Variants in RPS6KC1 observed in about 807,000 individuals in gnomAD.
The protein encoded by RPS6KC1 is ribosomal protein S6 kinase C1.
RPS6KC1 carries 54 observed loss-of-function variants against 103.8 expected under a neutral mutation model. The observed-to-expected ratio is 0.52, with a 90% CI of 0.42 to 0.65. The LOEUF (loss-of-function observed/expected upper bound fraction) is 0.65, where lower values mean the gene tolerates loss of function less well. Ranked by LOEUF, RPS6KC1 falls within the 30% of genes least tolerant of loss-of-function variation. RPS6KC1 has a pLI of 0.00. For missense variants in RPS6KC1, 1,151 were observed against 1,253.8 expected (o/e 0.92, Z 1.24); for synonymous variants, 439 against 438.7 (o/e 1.00, Z -0.01).
At chr1:213,582,606 T>A in the RPS6KC1 span, among the ~76,000 whole-genome samples, 1 of 152,224 alleles carries the variant, frequency 6.6e-6, no homozygotes, top group South Asian at 2.1e-4. Context: ...GCTTCTCGAT[T>A]TTTAAAGTAG....
the RPS6KC1 span, among the ~76,000 whole-genome samples, chr1:213,778,916 A>G: frequency 6.6e-6 from 1 of 151,998 alleles, no homozygotes; most frequent in African/African-American, 2.4e-5. Flanking sequence ...AAGCTCTGAC[A>G]CTTTGTTAAG....
chr1:213,780,104 C>T, the RPS6KC1 span, among the ~76,000 whole-genome samples: 1 of 151,998 alleles, frequency 6.6e-6, no homozygotes, highest in Non-Finnish European at 1.5e-5. Flanking sequence ...CATTGAGAGG[C>T]AGTAAAGAAT....
intron 3 of RPS6KC1, among the ~76,000 whole-genome samples, chr1:213,100,086 A>G (rs1378779948): frequency 6.6e-6 from 1 of 152,164 alleles, no homozygotes; most frequent in Non-Finnish European, 1.5e-5. Context: ...TCAACAATGT[A>G]TGAAATTTCT....
chr1:213,540,474 G>C, the RPS6KC1 span, among the ~76,000 whole-genome samples: 1 of 152,140 alleles, frequency 6.6e-6, no homozygotes, highest in Admixed American at 6.5e-5. Flanking sequence ...CTCCCGAGTA[G>C]CTGGGACCAC....
the RPS6KC1 span, among the ~76,000 whole-genome samples, chr1:213,432,158 GAT>G: frequency 6.6e-6 from 1 of 152,062 alleles, no homozygotes; most frequent in South Asian, 2.1e-4. Flanking sequence ...ATGTTTTCTA[GAT>G]ACAAGTCCTA....
chr1:213,622,943 C>T, the RPS6KC1 span, among the ~76,000 whole-genome samples: 3 of 152,126 alleles, frequency 2.0e-5, no homozygotes, highest in Admixed American at 6.5e-5. Context: ...TCATTTCAGT[C>T]GCGCGAGGCC....
chr1:213,350,390 A>G, the RPS6KC1 span, among the ~76,000 whole-genome samples: 2 of 152,188 alleles, frequency 1.3e-5, no homozygotes, highest in Non-Finnish European at 2.9e-5. Flanking sequence ...TTATCAGGAA[A>G]AGAGCTATCG....
chr1:213,448,360 C>T, the RPS6KC1 span, among the ~76,000 whole-genome samples: 2 of 151,980 alleles, frequency 1.3e-5, no homozygotes, highest in African/African-American at 2.4e-5. Flanking sequence ...AGCAGAGTCT[C>T]TGGGGTGGGT....
chr1:213,561,178 A>G, the RPS6KC1 span, among the ~76,000 whole-genome samples: 1 of 152,158 alleles, frequency 6.6e-6, no homozygotes, highest in African/African-American at 2.4e-5. Context: ...GTTTCTCAAC[A>G]TTTTTATCCT....
the RPS6KC1 span, among the ~76,000 whole-genome samples, chr1:213,305,585 A>G: frequency 6.6e-6 from 1 of 152,084 alleles, no homozygotes; most frequent in African/African-American, 2.4e-5. Context: ...TGGAAGGGAG[A>G]TGGTGCCCAT....
rs549326485 is a variant in RPS6KC1 at position 213,115,100 on chromosome 1, A to G, written c.379-2217A>G. ...GTTAGGGAGGATTCCCTCTTTTTCT[A>G]TTGATTGGAATAGTTTCAGAAGGAA... On this transcript the variant is annotated intron_variant, in intron 4 of 14. Transcript: ENST00000366960. Among the ~76,000 whole-genome samples the G allele has an allele frequency of 3.5e-4, 54 of 152,238 alleles. 1 individual carries two copies. Among genetic ancestry groups the G allele is most frequent in the South Asian group, 2.1e-4 (1 of 4,826 alleles).
At chr1:213,103,565 T>C (rs1298611362) in intron 3 of RPS6KC1, among the ~76,000 whole-genome samples, 1 of 152,184 alleles carries the variant, frequency 6.6e-6, no homozygotes, top group African/African-American at 2.4e-5. Context: ...GGGCAGAGGG[T>C]ATTTTAGTGG....
At chr1:213,473,993 A>G in the RPS6KC1 span, among the ~76,000 whole-genome samples, 1 of 152,254 alleles carries the variant, frequency 6.6e-6, no homozygotes, top group South Asian at 2.1e-4. Context: ...CTCCAGCCCG[A>G]ATCTAAGAAC....
intron 6 of RPS6KC1, among the ~76,000 whole-genome samples, chr1:213,162,972 G>A (rs2090623738): frequency 6.6e-6 from 1 of 152,216 alleles, no homozygotes; most frequent in East Asian, 1.9e-4. Context: ...TGGAAAGACT[G>A]ATGGCTTCAG....
rs2148568417 is a variant in RPS6KC1, at chr1:213,200,571, A to C, written c.1044+24079A>C. Among the ~76,000 whole-genome samples, 3 of 152,344 alleles carry C rather than the reference A, an allele frequency of 2.0e-5. No individual in the cohort carries two copies. The South Asian group carries it at 6.2e-4, about 32-fold the overall frequency. On this transcript the variant is annotated intron_variant, in intron 8 of 14. Transcript: ENST00000366960. The stretch of plus-strand genomic sequence containing the variant: ...AGGTAATACCATTAAGGACATAGGC[A>C]CTGGCAATGATTTTATGTCAAAGAT...
the RPS6KC1 span, among the ~76,000 whole-genome samples, chr1:213,372,718 T>C: frequency 1.1e-4 from 16 of 152,208 alleles, no homozygotes; most frequent in Non-Finnish European, 1.8e-4. Flanking sequence ...TTTCACCACC[T>C]GTTCTACCTT....
At chr1:213,234,883 C>T (rs2094188803) in intron 10 of RPS6KC1, among the ~76,000 whole-genome samples, 2 of 152,100 alleles carry the variant, frequency 1.3e-5, no homozygotes, top group South Asian at 2.1e-4. Flanking sequence ...TCTGGGGCAC[C>T]AGTCGAGATG....
At chr1:213,320,898 G>A in the RPS6KC1 span, among the ~76,000 whole-genome samples, 5 of 152,090 alleles carry the variant, frequency 3.3e-5, no homozygotes, top group African/African-American at 9.7e-5. Flanking sequence ...TCCTCATTTC[G>A]GCCCCCTTTC....
intron 14 of RPS6KC1, among the ~76,000 whole-genome samples, chr1:213,271,316 C>T (rs576006799): frequency 2.4e-4 from 36 of 152,046 alleles, no homozygotes; most frequent in Admixed American, 6.5e-4. Context: ...AAGAAGGCAG[C>T]GTCAAAAGAC....
Sources: gnomAD v4.1 joint callset for allele counts (sites outside exome capture counted in the v4.1 genomes callset) on GRCh38, gnomAD v4.1.1 for gene constraint, MANE v1.5 for transcripts, NCBI Gene and HGNC (gene_info 2026-07-23, HGNC 2026-07-21) for gene names.